RBFOX1: variants seen among roughly 807,000 people sequenced by gnomAD.
RBFOX1 encodes RNA binding protein fox-1 homolog 1.
Under a neutral mutation model 57.7 loss-of-function variants are expected in RBFOX1, and 8 were observed. The observed-to-expected ratio is 0.14, with a 90% CI of 0.08 to 0.25. RBFOX1 has a LOEUF of 0.25. RBFOX1 is among the 10% of genes least tolerant of loss of function. RBFOX1 has a pLI of 1.00. For synonymous variants in RBFOX1, 326 were observed against 222.4 expected (o/e 1.47, Z -4.15); for missense variants, 611 against 548.5 (o/e 1.11, Z -1.14).
intron 1 of RBFOX1, among the ~76,000 whole-genome samples, chr16:6,084,535 C>A (rs1387476223): frequency 1.3e-5 from 2 of 152,162 alleles, no homozygotes; most frequent in Non-Finnish European, 2.9e-5. Context: ...AAAACCACTG[C>A]ACCTGGCCCC....
intron 3 of RBFOX1, among the ~76,000 whole-genome samples, chr16:6,761,978 G>C (rs1196886896): frequency 6.6e-6 from 1 of 152,046 alleles, no homozygotes; most frequent in Non-Finnish European, 1.5e-5. Context: ...ACTTATGCCT[G>C]CCTTCTCACG....
At chr16:5,732,590 C>A (rs2052419363) in intron 3 of RBFOX1, among the ~76,000 whole-genome samples, 1 of 152,146 alleles carries the variant, frequency 6.6e-6, no homozygotes, top group South Asian at 2.1e-4. Context: ...TGGCTTTAGG[C>A]CTTTCTGGGT....
intron 4 of RBFOX1, among the ~76,000 whole-genome samples, chr16:7,336,445 T>C (rs962868125): frequency 3.3e-5 from 5 of 152,224 alleles, no homozygotes; most frequent in African/African-American, 1.2e-4. Context: ...GCAGATTATT[T>C]TCCTGGATGG....
At chr16:7,671,712 A>G in intron 13 of RBFOX1, 2 of 975,232 alleles carry the variant, frequency 2.1e-6, no homozygotes, top group Non-Finnish European at 3.2e-6. Context: ...CATAGGAGGA[A>G]AGACTTAACT....
intron 2 of RBFOX1, among the ~76,000 whole-genome samples, chr16:6,420,039 T>C (rs962906449): frequency 2.0e-5 from 3 of 152,174 alleles, no homozygotes. Context: ...CTGTTTCAGG[T>C]TGTTTGTGAC....
At chr16:6,597,389 C>G (rs934927368) in intron 2 of RBFOX1, among the ~76,000 whole-genome samples, 3 of 151,986 alleles carry the variant, frequency 2.0e-5, no homozygotes, top group Non-Finnish European at 4.4e-5. Context: ...AAACCAGGGA[C>G]CCAACCAGGC....
At chr16:6,260,567 A>G (rs1026681994) in intron 1 of RBFOX1, among the ~76,000 whole-genome samples, 1 of 152,138 alleles carries the variant, frequency 6.6e-6, no homozygotes, top group Non-Finnish European at 1.5e-5. Context: ...GTATTAAGAT[A>G]TATATAAAGA....
intron 2 of RBFOX1, among the ~76,000 whole-genome samples, chr16:6,380,591 G>A (rs548893221): frequency 6.6e-6 from 1 of 151,644 alleles, no homozygotes. Flanking sequence ...ATCAAATCCT[G>A]GTGTGAAATA....
intron 4 of RBFOX1, among the ~76,000 whole-genome samples, chr16:7,395,251 A>G (rs1301801599): frequency 6.6e-6 from 1 of 152,096 alleles, no homozygotes; most frequent in Non-Finnish European, 1.5e-5. Flanking sequence ...AGGTGACAGA[A>G]TTGCTCTTTT....
At chr16:6,906,948 T>A (rs773437833) in intron 3 of RBFOX1, among the ~76,000 whole-genome samples, 2 of 152,140 alleles carry the variant, frequency 1.3e-5, no homozygotes, top group African/African-American at 2.4e-5. Flanking sequence ...GGTCTTGAAC[T>A]CCTGACCTTA....
At chr16:6,069,302 G>A (rs1289116498) in intron 1 of RBFOX1, among the ~76,000 whole-genome samples, 1 of 151,544 alleles carries the variant, frequency 6.6e-6, no homozygotes, top group East Asian at 1.9e-4. Context: ...GGAGGCTGAG[G>A]CAGGAGAATC....
At chr16:6,808,341 T>C (rs114081927) in intron 3 of RBFOX1, among the ~76,000 whole-genome samples, 3,064 of 152,170 alleles carry the variant, frequency 0.02, 106 homozygotes, top group African/African-American at 0.07. Context: ...TGATTATGCC[T>C]ACTTCACTGA....
chr16:7,409,558 T>G (rs1312994335), intron 4 of RBFOX1, among the ~76,000 whole-genome samples: 1 of 152,218 alleles, frequency 6.6e-6, no homozygotes, highest in Non-Finnish European at 1.5e-5. Flanking sequence ...CTAAGCAGTG[T>G]ATGTCTGTGC....
chr16:5,982,074 A>G (rs1319641949), intron 4 of RBFOX1, among the ~76,000 whole-genome samples: 1 of 152,172 alleles, frequency 6.6e-6, no homozygotes, highest in East Asian at 1.9e-4. Context: ...CAGATCCAGC[A>G]GTTGCCATCT....
At chr16:6,713,004 G>A (rs995132369) in intron 3 of RBFOX1, among the ~76,000 whole-genome samples, 2 of 146,594 alleles carry the variant, frequency 1.4e-5, no homozygotes, top group African/African-American at 5.0e-5. Context: ...CTGCCGCCAT[G>A]TAAGACCTGC....
intron 1 of RBFOX1, among the ~76,000 whole-genome samples, chr16:5,302,259 A>C (rs1411632074): frequency 6.6e-6 from 1 of 152,188 alleles, no homozygotes; most frequent in East Asian, 1.9e-4. Flanking sequence ...ACTTATTTTT[A>C]GTGACTTTTA....
intron 3 of RBFOX1, among the ~76,000 whole-genome samples, chr16:6,857,354 T>A (rs1002461005): frequency 1.3e-5 from 2 of 152,188 alleles, no homozygotes; most frequent in Non-Finnish European, 2.9e-5. Context: ...AGCATCTAAG[T>A]GCTCACGTTA....
chr16:6,022,532 A>G (rs982638929), intron 1 of RBFOX1, among the ~76,000 whole-genome samples: 7 of 152,024 alleles, frequency 4.6e-5, no homozygotes, highest in South Asian at 2.1e-4. Context: ...AATACAAACA[A>G]TTAGATGGGT....
intron 3 of RBFOX1, among the ~76,000 whole-genome samples, chr16:6,774,791 A>C (rs1603619729): frequency 1.3e-5 from 2 of 152,082 alleles, no homozygotes; most frequent in Non-Finnish European, 2.9e-5. Flanking sequence ...AGTGTTTTAT[A>C]CCTGAGCTTT....
Sources: gnomAD v4.1 joint callset for allele counts (sites outside exome capture counted in the v4.1 genomes callset) on GRCh38, gnomAD v4.1.1 for gene constraint, MANE v1.5 for transcripts, NCBI Gene and HGNC (gene_info 2026-07-23, HGNC 2026-07-21) for gene names.